Variants in ZSCAN5A observed in about 807,000 individuals in gnomAD.
ZSCAN5A encodes the protein zinc finger and SCAN domain-containing protein 5A.
In ZSCAN5A, 12 loss-of-function variants were observed where a neutral mutation model predicts 23.7. The observed-to-expected ratio is 0.51, with a 90% confidence interval of 0.32 to 0.82. ZSCAN5A has a LOEUF of 0.82. Among genes scored for constraint, ZSCAN5A ranks in the 40% least tolerant of loss-of-function variants. ZSCAN5A has a pLI of 0.03. For synonymous variants in ZSCAN5A, 257 were observed against 239.9 expected, an observed-to-expected ratio of 1.07 and a Z score of -0.66; for missense variants, 597 against 617.9, an observed-to-expected ratio of 0.97 and a Z score of 0.36.
At chr19:56,277,961 T>C (rs1361444865) in intron 2 of ZSCAN5A, among the ~76,000 whole-genome samples, 1 of 152,164 alleles carries the variant, frequency 6.6e-6, no homozygotes, top group Non-Finnish European at 1.5e-5. Context: ...AAATAAAATG[T>C]TTTAGTGAAA....
chr19:56,342,810 A>G, intron 2 of ZSCAN5A: 1 of 780,814 alleles, frequency 1.3e-6, no homozygotes, highest in Admixed American at 1.7e-5. Flanking sequence ...ACCAATCATA[A>G]GACATTTTCC....
chr19:56,234,011 G>T (rs746553210), intron 2 of ZSCAN5A, among the ~76,000 whole-genome samples: 12 of 152,092 alleles, frequency 7.9e-5, no homozygotes, highest in African/African-American at 1.4e-4. Context: ...AGGAATTTGA[G>T]ACCAGCCTGG....
At chr19:56,316,564 G>A (rs2041317605), upstream of ZSCAN5A, 1 of 159,134 alleles carries the variant, frequency 6.3e-6, no homozygotes, top group South Asian at 1.7e-4. Context: ...GGGGGAAAGA[G>A]TAGACCAAGG....
At position 56,221,438 on chromosome 19, in the gene ZSCAN5A, C is replaced by A; in HGVS notation, c.*137G>T. On this transcript the variant is annotated 3_prime_UTR_variant, in exon 6 of 6. Transcript: ENST00000683990. ...TGGGGAGGACACATATTTACTCAAA[C>A]ATCCTGGCAATTCATATCTAGGGCA... The A allele has an allele frequency of 9.5e-7, 1 of 1,054,052 alleles. No homozygotes were observed. Among genetic ancestry groups the A allele is most frequent in the Admixed American group, 2.7e-5 (1 of 37,578 alleles). The allele number at this position is 1,054,052 out of a possible 1,614,324, so 65.3% of individuals were successfully genotyped here.
intron 2 of ZSCAN5A, among the ~76,000 whole-genome samples, chr19:56,330,286 A>G (rs1307298423): frequency 6.6e-6 from 1 of 152,248 alleles, no homozygotes; most frequent in Non-Finnish European, 1.5e-5. Context: ...ATAGCGCTGC[A>G]ATGAACATAT....
rs560161070 is a variant in ZSCAN5A at position 56,324,114 on chromosome 19, A to C, written c.-357-7846T>G. On this transcript the variant is annotated intron_variant, in intron 2 of 6. Transcript: ENST00000587340. ...AACTGTATTTTTGTGCCCACAAAACAACCTCTCTCCTTTCCCCCTCTATTC... is the reference window on the plus strand; with the variant it reads ...AACTGTATTTTTGTGCCCACAAAACCACCTCTCTCCTTTCCCCCTCTATTC... Among the ~76,000 whole-genome samples, 14 of 152,246 alleles carry C rather than the reference A, an allele frequency of 9.2e-5. No individual in the cohort carries two copies. The South Asian group carries it at 2.9e-3, about 32-fold the overall frequency.
At position 56,238,960 on chromosome 19, in the gene ZSCAN5A, G is replaced by A. The variant is rs78133578; in HGVS notation, c.-127-13787C>T. On this transcript the variant is annotated intron_variant, in intron 2 of 5. Coordinates refer to ENST00000683990, the MANE Select transcript of ZSCAN5A (RefSeq NM_001322064.3). ...CCACTTAATAACTCCATTCTGAACTGACTCACTATCAACGCCTCAATTCTT... is the reference window on the plus strand; with the variant it reads ...CCACTTAATAACTCCATTCTGAACTAACTCACTATCAACGCCTCAATTCTT... 2.9e-4 allele frequency among the ~76,000 whole-genome samples: 44 copies of A among 152,296 alleles called. No homozygotes were observed. In the East Asian group the frequency reaches 8.1e-3, roughly 28 times the overall value.
intron 2 of ZSCAN5A, among the ~76,000 whole-genome samples, chr19:56,256,336 G>C (rs1166953349): frequency 6.6e-6 from 1 of 152,058 alleles, no homozygotes; most frequent in Non-Finnish European, 1.5e-5. Flanking sequence ...GGGATTATGG[G>C]TGCACACCAC....
intron 3 of ZSCAN5A, among the ~76,000 whole-genome samples, chr19:56,224,126 C>G (rs2033640717): frequency 6.6e-6 from 1 of 151,756 alleles, no homozygotes. Flanking sequence ...TGGGTGAATC[C>G]AACTCAATTG....
intron 2 of ZSCAN5A, among the ~76,000 whole-genome samples, chr19:56,302,544 C>CCTTCCTCCCTCCCTCCCCCCTTCCTTTT (rs746194893): frequency 5.1e-5 from 3 of 58,732 alleles, no homozygotes; most frequent in East Asian, 7.0e-4. Flanking sequence ...TCTTCCTCCC[C>CCTTCCTCCCTCCCTCCCCCCTTCCTTTT]GTTCCTCCCT....
chr19:56,280,488 T>G (rs1462185472), intron 2 of ZSCAN5A: 1 of 152,192 alleles, frequency 6.6e-6, no homozygotes, highest in Non-Finnish European at 1.5e-5. Context: ...GGATTATACA[T>G]GGAAATATGT....
intron 2 of ZSCAN5A, among the ~76,000 whole-genome samples, chr19:56,299,663 G>T (rs115630922): frequency 0.01 from 1,579 of 152,258 alleles, 37 homozygotes; most frequent in African/African-American, 0.036. Flanking sequence ...TTTAACCTAT[G>T]AACAGCCTCC....
At chr19:56,288,004 T>C (rs1329658642) in intron 2 of ZSCAN5A, among the ~76,000 whole-genome samples, 1 of 152,200 alleles carries the variant, frequency 6.6e-6, no homozygotes, top group African/African-American at 2.4e-5. Context: ...GTCTCTCATT[T>C]ATGATTCCAC....
chr19:56,275,491 G>A (rs2038181183), intron 2 of ZSCAN5A, among the ~76,000 whole-genome samples: 1 of 152,212 alleles, frequency 6.6e-6, no homozygotes, highest in African/African-American at 2.4e-5. Flanking sequence ...AGCACTTCGG[G>A]AGGCCAACGC....
At chr19:56,225,712 TTCA>T (rs953506984) in intron 2 of ZSCAN5A, among the ~76,000 whole-genome samples, 3 of 152,182 alleles carry the variant, frequency 2.0e-5, no homozygotes, top group Admixed American at 6.5e-5. Flanking sequence ...ATTCATAAAT[TTCA>T]TCATTTTTTA....
chr19:56,324,905 A>C lies in ZSCAN5A; in HGVS notation c.-357-8637T>G, dbSNP rs969985305. Among the ~76,000 whole-genome samples the C allele has an allele frequency of 3.3e-5, 5 of 152,138 alleles. No individual in the cohort carries two copies. The East Asian group carries it at 7.7e-4, about 23-fold the overall frequency. ...TATTGAAAAACAATAGACAACCACA[A>C]AAAAAAGTTGACCTTTTTGTGTTCC... On this transcript the variant is annotated intron_variant, in intron 2 of 6. Transcript: ENST00000587340.
chr19:56,302,576 CCTCCCCCTTTTCTTCCT>C (rs2040375202), intron 2 of ZSCAN5A, among the ~76,000 whole-genome samples: 1 of 91,272 alleles, frequency 1.1e-5, no homozygotes, highest in Non-Finnish European at 2.0e-5. Context: ...TCCTTTTCTT[CCTCCCCCTTTTCTTCCT>C]CTCCCTCTTC....
chr19:56,344,909 C>CAAAAAAAAA (rs1019131536), intron 2 of ZSCAN5A, among the ~76,000 whole-genome samples: 208 of 18,320 alleles, frequency 0.011, no homozygotes, highest in Non-Finnish European at 0.017. Context: ...GACTCCGTCT[C>CAAAAAAAAA]AAAAAAAAAA....
chr19:56,319,449 T>C (rs1044941445), upstream of ZSCAN5A, among the ~76,000 whole-genome samples: 21 of 134,412 alleles, frequency 1.6e-4, no homozygotes, highest in Admixed American at 2.6e-4. Flanking sequence ...TGAGCCGAGA[T>C]TGCACCACCG....
Sources: gnomAD v4.1 joint callset for allele counts (sites outside exome capture counted in the v4.1 genomes callset) on GRCh38, gnomAD v4.1.1 for gene constraint, MANE v1.5 for transcripts, NCBI Gene and HGNC (gene_info 2026-07-23, HGNC 2026-07-21) for gene names.